SRGAP3: variants seen among roughly 807,000 people sequenced by gnomAD.
SRGAP3 encodes SLIT-ROBO Rho GTPase activating protein 3, also known as SLIT-ROBO Rho GTPase-activating protein 3.
A neutral mutation model predicts 121.1 loss-of-function variants in SRGAP3; 39 were observed. The ratio of observed to expected loss-of-function variants is 0.32; its 90% CI spans 0.25 to 0.42. The LOEUF (loss-of-function observed/expected upper bound fraction) is 0.42, where lower values mean the gene tolerates loss of function less well. Ranked by LOEUF, SRGAP3 falls within the 10% of genes least tolerant of loss-of-function variation. The pLI is 1.00. For missense variants in SRGAP3, 1,213 were observed against 1,470.6 expected (o/e 0.82, Z 2.86); for synonymous variants, 601 against 570.0 (o/e 1.05, Z -0.77).
intron 1 of SRGAP3, among the ~76,000 whole-genome samples, chr3:9,179,186 C>G (rs1951289645): frequency 6.6e-6 from 1 of 152,230 alleles, no homozygotes; most frequent in Non-Finnish European, 1.5e-5. Context: ...GGACTGACTC[C>G]TGCCAGCGTA....
intron 2 of SRGAP3, among the ~76,000 whole-genome samples, chr3:9,330,254 T>G (rs1485466943): frequency 6.6e-6 from 1 of 152,190 alleles, no homozygotes; most frequent in Admixed American, 6.5e-5. Flanking sequence ...CCCTGCAATA[T>G]TACTGCTTAC....
intron 3 of SRGAP3, among the ~76,000 whole-genome samples, chr3:9,272,174 T>C (rs1954490028): frequency 6.6e-6 from 1 of 152,204 alleles, no homozygotes; most frequent in South Asian, 2.1e-4. Context: ...TAGTAGAAAA[T>C]GTTGTCAGTC....
intron 11 of SRGAP3, chr3:9,036,645 G>A (rs1343629374): frequency 6.6e-6 from 1 of 152,208 alleles, no homozygotes; most frequent in Non-Finnish European, 1.5e-5. Context: ...CTGGCCAAGT[G>A]TTTGATTACA....
chr3:9,244,440 CA>C (rs34573307), intron 1 of SRGAP3, among the ~76,000 whole-genome samples: 25 of 149,134 alleles, frequency 1.7e-4, no homozygotes, highest in Non-Finnish European at 2.5e-4. Flanking sequence ...GAATATGTAA[CA>C]AAAAAAAAAG....
intron 3 of SRGAP3, among the ~76,000 whole-genome samples, chr3:9,265,857 C>A (rs1373920097): frequency 6.6e-6 from 1 of 152,176 alleles, no homozygotes; most frequent in Non-Finnish European, 1.5e-5. Flanking sequence ...TTTAACCCAG[C>A]AATCTCATTA....
chr3:9,028,481 C>A (rs1944319514), intron 12 of SRGAP3, among the ~76,000 whole-genome samples: 1 of 152,180 alleles, frequency 6.6e-6, no homozygotes, highest in African/African-American at 2.4e-5. Flanking sequence ...TTCTCTTCAA[C>A]AAAAGGGACT....
chr3:9,134,663 T>C (rs1303294790), intron 1 of SRGAP3, among the ~76,000 whole-genome samples: 2 of 151,986 alleles, frequency 1.3e-5, no homozygotes, highest in Non-Finnish European at 2.9e-5. Flanking sequence ...CAGGGAACTT[T>C]CTGTGGCAGT....
chr3:9,251,855 G>A (rs1954026397), upstream of SRGAP3, among the ~76,000 whole-genome samples: 1 of 152,200 alleles, frequency 6.6e-6, no homozygotes, highest in Non-Finnish European at 1.5e-5. Context: ...CCAGCTGTGT[G>A]TGGGGCTCAT....
At chr3:9,110,508 G>T (rs931582930) in intron 2 of SRGAP3, among the ~76,000 whole-genome samples, 1 of 152,258 alleles carries the variant, frequency 6.6e-6, no homozygotes, top group Admixed American at 6.5e-5. Context: ...GCATGGCAAG[G>T]CTGTGGCCGG....
At chr3:9,160,378 T>C (rs918137668) in intron 1 of SRGAP3, among the ~76,000 whole-genome samples, 12 of 152,206 alleles carry the variant, frequency 7.9e-5, no homozygotes, top group Admixed American at 5.2e-4. Context: ...GACTCCTCCT[T>C]ATTTTTTCTC....
intron 5 of SRGAP3, among the ~76,000 whole-genome samples, chr3:9,063,612 T>C (rs971663837): frequency 1.8e-4 from 28 of 152,296 alleles, no homozygotes; most frequent in African/African-American, 5.3e-4. Context: ...GTGCTGATAT[T>C]ACAGGCATGA....
intron 3 of SRGAP3, among the ~76,000 whole-genome samples, chr3:9,268,324 T>TTC (rs1358149708): frequency 1.8e-5 from 2 of 111,198 alleles, no homozygotes; most frequent in African/African-American, 3.0e-5. Flanking sequence ...CTCTCTCTCT[T>TTC]TCTCTCTCTC....
intron 9 of SRGAP3, among the ~76,000 whole-genome samples, chr3:9,051,911 C>A (rs537589958): frequency 6.6e-6 from 1 of 152,204 alleles, no homozygotes; most frequent in African/African-American, 2.4e-5. Flanking sequence ...CGGGTTTTCA[C>A]CGTGTTGCCC....
At chr3:9,153,533 A>G (rs1950283974) in intron 1 of SRGAP3, among the ~76,000 whole-genome samples, 1 of 152,168 alleles carries the variant, frequency 6.6e-6, no homozygotes, top group African/African-American at 2.4e-5. Flanking sequence ...AGAGTCAATG[A>G]TTTTGAGCTG....
chr3:9,010,196 G>T, intron 18 of SRGAP3, 112 bp downstream of exon 18: 1 of 1,260,788 alleles, frequency 7.9e-7, no homozygotes, highest in South Asian at 1.2e-5. Context: ...ACAGATGGCT[G>T]ACTTGGAAAG....
At chr3:9,096,939 A>ATG (rs1947997485) in intron 3 of SRGAP3, among the ~76,000 whole-genome samples, 1 of 22,776 alleles carries the variant, frequency 4.4e-5, no homozygotes, top group African/African-American at 1.2e-4. Flanking sequence ...ATTATTTTGT[A>ATG]TATATATATA....
At chr3:9,138,972 T>C (rs1426161005) in intron 1 of SRGAP3, among the ~76,000 whole-genome samples, 10 of 151,422 alleles carry the variant, frequency 6.6e-5, no homozygotes, top group Admixed American at 5.9e-4. Context: ...TGCCTCATCT[T>C]CAAGAAACAG....
At chr3:9,031,586 T>C (rs1022544640) in intron 12 of SRGAP3, among the ~76,000 whole-genome samples, 20 of 152,168 alleles carry the variant, frequency 1.3e-4, no homozygotes, top group Non-Finnish European at 2.5e-4. Context: ...GAGACAGTCC[T>C]GGGACCCAGG....
chr3:9,313,274 G>A (rs1955280591), intron 3 of SRGAP3, among the ~76,000 whole-genome samples: 1 of 152,174 alleles, frequency 6.6e-6, no homozygotes, highest in Non-Finnish European at 1.5e-5. Context: ...TTCAAGTCTT[G>A]CTCAACTGCC....
Sources: allele counts gnomAD v4.1 joint callset (sites outside exome capture counted in the v4.1 genomes callset), GRCh38; gene constraint gnomAD v4.1.1; transcripts MANE v1.5; gene names NCBI Gene and HGNC (gene_info 2026-07-23, HGNC 2026-07-21).